KALRN: variants seen among roughly 807,000 people sequenced by gnomAD.
KALRN encodes the protein kalirin RhoGEF kinase, also known as kalirin.
In KALRN, 70 loss-of-function variants were observed where a neutral mutation model predicts 353.7. The observed-to-expected ratio is 0.20, with a 90% CI of 0.16 to 0.24. KALRN has a LOEUF of 0.24. KALRN is among the 10% of genes least tolerant of loss of function. The pLI is 1.00. For synonymous variants in KALRN, 1,391 were observed against 1,434.8 expected, an observed-to-expected ratio of 0.97 and a Z score of 0.69; for missense variants, 2,791 against 3,756.7, an observed-to-expected ratio of 0.74 and a Z score of 6.72.
intron 34 of KALRN, among the ~76,000 whole-genome samples, chr3:124,574,514 G>A (rs1314583140): frequency 1.2e-5 from 1 of 81,606 alleles, no homozygotes; most frequent in Non-Finnish European, 2.2e-5. Flanking sequence ...GCTCTTTGGA[G>A]CCAATGAACC....
In KALRN at chr3:124,384,875, G is replaced by C. The variant is rs768979505; in HGVS notation, c.1801G>C (p.Glu601Gln). 1.9e-6 allele frequency: 3 copies of C among 1,610,440 alleles called. No homozygotes were observed. Among genetic ancestry groups the C allele is most frequent in the Admixed American group, 3.3e-5 (2 of 59,740 alleles). Residue 601 changes from glutamate (E) to glutamine (Q), a missense_variant, in exon 11 of 60, where the codon GAA (glutamate) becomes CAA (glutamine). By Grantham distance (29) the Glu-to-Gln change is conservative. This residue lies in a region of KALRN where 452 missense variants were observed against 575.8 expected (regional missense o/e 0.78). Transcript: ENST00000682506. ...GTACACCAATGCGGACAAGCTCCTAGAAGCAGCAGAGCAGTTGGCTCAGAC... is the reference window on the plus strand; with the variant it reads ...GTACACCAATGCGGACAAGCTCCTACAAGCAGCAGAGCAGTTGGCTCAGAC... ...NTYTNADKLL[E>Q]AAEQLAQTGE...
At chr3:124,600,903 G>A (rs1186058574) in intron 34 of KALRN, among the ~76,000 whole-genome samples, 1 of 152,210 alleles carries the variant, frequency 6.6e-6, no homozygotes, top group Non-Finnish European at 1.5e-5. Flanking sequence ...CTCTGAAAGT[G>A]CCCAGGGTAG....
chr3:124,426,385 A>G (rs952998901), intron 15 of KALRN, among the ~76,000 whole-genome samples: 2 of 152,186 alleles, frequency 1.3e-5, no homozygotes, highest in Non-Finnish European at 2.9e-5. Context: ...AAATGCCATT[A>G]ATGGGGGCAG....
intron 7 of KALRN, among the ~76,000 whole-genome samples, chr3:124,327,309 C>T (rs75665618): frequency 0.028 from 4,234 of 152,252 alleles, 339 homozygotes; most frequent in East Asian, 0.23. Context: ...TGCTGACATC[C>T]TTGATGAACA....
At chr3:124,702,366 T>C (rs1429133608) in intron 57 of KALRN, among the ~76,000 whole-genome samples, 1 of 152,216 alleles carries the variant, frequency 6.6e-6, no homozygotes, top group Non-Finnish European at 1.5e-5. Flanking sequence ...AAAATTTTCT[T>C]CAAAGTACAA....
At chr3:124,196,494 C>T (rs1197104532) in intron 1 of KALRN, among the ~76,000 whole-genome samples, 1 of 152,150 alleles carries the variant, frequency 6.6e-6, no homozygotes, top group African/African-American at 2.4e-5. Context: ...AGAAATTCCT[C>T]AGGAACACAT....
Position 124,549,057 on chromosome 3 carries a change from G to A in KALRN, c.4936-13786G>A, listed in dbSNP as rs181169932. The stretch of plus-strand genomic sequence containing the variant: ...AACTGAGTGTTCTAATATTATTGAC[G>A]AGGAACTGAAGCTTAGAAAGAGAAC... On this transcript the variant is annotated intron_variant, in intron 33 of 59. Coordinates refer to ENST00000682506, the MANE Select transcript of KALRN (RefSeq NM_001388419.1). Among the ~76,000 whole-genome samples the A allele has an allele frequency of 4.6e-3, 702 of 152,238 alleles. 5 individuals carry two copies. Among genetic ancestry groups the A allele is most frequent in the African/African-American group, 0.016 (674 of 41,516 alleles).
At position 124,657,512 on chromosome 3, in the gene KALRN, T is replaced by C. The variant is rs537115296; in HGVS notation, c.5927T>C (p.Val1976Ala). The change falls in exon 40 of 60, where the codon GTG becomes GCG. Residue 1976 changes from valine to alanine, a missense_variant. Val to Ala is a moderately conservative substitution (Grantham distance 64). Transcript: ENST00000682506. ...GATATGCGAGGAAAGGACAAAATCG[T>C]GTTTGGAAATATTCATCAGATTTAT... ...PEDMRGKDKI[V>A]FGNIHQIYDW... 2 of 1,613,826 alleles carry C rather than the reference T, an allele frequency of 1.2e-6. No homozygotes were observed. Among genetic ancestry groups the C allele is most frequent in the African/African-American group, 2.7e-5 (2 of 74,968 alleles).
At chr3:124,371,784 T>G (rs983497978) in intron 10 of KALRN, among the ~76,000 whole-genome samples, 1 of 152,218 alleles carries the variant, frequency 6.6e-6, no homozygotes, top group African/African-American at 2.4e-5. Flanking sequence ...GCATTTAGCC[T>G]CTAAGTTACA....
intron 43 of KALRN, among the ~76,000 whole-genome samples, chr3:124,660,623 G>A (rs2084726753): frequency 6.7e-6 from 1 of 148,326 alleles, no homozygotes; most frequent in African/African-American, 2.5e-5. Context: ...ACAGGTTACG[G>A]TGAGCCAAAA....
intron 1 of KALRN, among the ~76,000 whole-genome samples, chr3:124,174,850 AG>A (rs1315853077): frequency 6.6e-6 from 1 of 152,248 alleles, no homozygotes; most frequent in Non-Finnish European, 1.5e-5. Context: ...AATCCTTGGC[AG>A]GAGAAGATGT....
At chr3:124,432,549 T>C (rs1291898875) in intron 16 of KALRN, among the ~76,000 whole-genome samples, 2 of 152,202 alleles carry the variant, frequency 1.3e-5, no homozygotes, top group Admixed American at 6.5e-5. Flanking sequence ...TGAAGACAGC[T>C]CTTGGCCATA....
At chr3:124,172,272 C>G (rs1578934272) in intron 1 of KALRN, among the ~76,000 whole-genome samples, 1 of 152,100 alleles carries the variant, frequency 6.6e-6, no homozygotes, top group Admixed American at 6.5e-5. Context: ...GCTTGCTGGC[C>G]AAATAGGCCG....
chr3:124,659,251 T>G (rs2084505758), intron 42 of KALRN, 114 bp from the exon 43 acceptor site: 3 of 760,436 alleles, frequency 3.9e-6, no homozygotes, highest in Non-Finnish European at 7.0e-6. Flanking sequence ...ACTTAAAGAT[T>G]CTTCAACTTC....
chr3:124,509,130 A>G (rs2108792371), intron 33 of KALRN, among the ~76,000 whole-genome samples: 1 of 152,320 alleles, frequency 6.6e-6, no homozygotes. Flanking sequence ...CTTGATAAAC[A>G]CATACACTTT....
At chr3:124,437,747 A>C (rs1050302478) in intron 17 of KALRN, among the ~76,000 whole-genome samples, 6 of 150,702 alleles carry the variant, frequency 4.0e-5, no homozygotes, top group Admixed American at 1.3e-4. Context: ...TTCTCAGAGA[A>C]GGCCAAAGAT....
At position 124,481,181 on chromosome 3, in the gene KALRN, G is replaced by GT. The variant is rs1561083702; in HGVS notation, c.4192-1620dup. Among the ~76,000 whole-genome samples the GT allele has an allele frequency of 2.6e-5, 4 of 151,964 alleles. No homozygotes were observed. The South Asian group carries it at 8.3e-4, about 32-fold the overall frequency. On this transcript the variant is annotated intron_variant, in intron 27 of 59. Transcript: ENST00000682506. ...TTCTGAAACATTACTTTCATCATGTGTTTTTTTCTCTTTTTTGTTGTTTGT... is the reference window on the plus strand; with the variant it reads ...TTCTGAAACATTACTTTCATCATGTGTTTTTTTTCTCTTTTTTGTTGTTTGT...
intron 34 of KALRN, among the ~76,000 whole-genome samples, chr3:124,605,874 C>T (rs137896697): frequency 2.9e-3 from 441 of 152,278 alleles, no homozygotes; most frequent in Middle Eastern, 0.01. Context: ...CTGCCTCCAT[C>T]ACCACCCCTT....
chr3:124,197,639 T>C (rs2075571094), intron 1 of KALRN, among the ~76,000 whole-genome samples: 2 of 152,134 alleles, frequency 1.3e-5, no homozygotes, highest in African/African-American at 4.8e-5. Flanking sequence ...GATAGACCAT[T>C]CTAATGCTGT....
Sources: allele counts gnomAD v4.1 joint callset (sites outside exome capture counted in the v4.1 genomes callset), GRCh38; gene constraint gnomAD v4.1.1; regional missense constraint gnomAD v4.1.1; transcripts MANE v1.5; gene names NCBI Gene and HGNC (gene_info 2026-07-23, HGNC 2026-07-21).